Variants in RADIL observed in about 807,000 individuals in gnomAD.
RADIL encodes the protein Rap associating with DIL domain.
RADIL carries 99 observed loss-of-function variants against 97.6 expected under a neutral mutation model. The ratio of observed to expected loss-of-function variants is 1.01; its 90% CI spans 0.86 to 1.20. RADIL has a LOEUF of 1.20. RADIL is among the 50% of genes most tolerant of loss of function. The pLI is 0.00. For synonymous variants in RADIL, 803 were observed against 691.8 expected, an observed-to-expected ratio of 1.16 and a Z score of -2.52; for missense variants, 1,765 against 1,498.9, an observed-to-expected ratio of 1.18 and a Z score of -2.93.
chr7:4,802,004 A>C lies in RADIL; in HGVS notation c.2500-9T>G, dbSNP rs1396500044. 1 of 1,491,934 alleles carries C rather than the reference A, an allele frequency of 6.7e-7. No homozygotes were observed. Among genetic ancestry groups the C allele is most frequent in the Non-Finnish European group, 8.9e-7 (1 of 1,121,904 alleles). The allele number at this position is 1,491,934 out of a possible 1,614,324, so 92.4% of individuals were successfully genotyped here. ...ACCACGTGGTGCATACCCTAGGGAG[A>C]GGAAGGGTGACAGCTCAGGTAGAGG... On this transcript the variant is annotated splice_polypyrimidine_tract_variant and intron_variant, in intron 11 of 14. Coordinates refer to ENST00000399583, the MANE Select transcript of RADIL (RefSeq NM_018059.5).
At chr7:4,836,246 C>T (rs566128544) in intron 3 of RADIL, 112 bp downstream of exon 3, 85 of 1,475,458 alleles carry the variant, frequency 5.8e-5, no homozygotes, top group Non-Finnish European at 6.9e-5. Flanking sequence ...GGGCTGCAGC[C>T]ACAGAGCTCG....
chr7:4,805,415 G>A lies in RADIL; in HGVS notation c.2290+151C>T, dbSNP rs1782273697. On this transcript the variant is annotated intron_variant, in intron 10 of 14. Coordinates refer to ENST00000399583, the MANE Select transcript of RADIL (RefSeq NM_018059.5). Reference sequence around the variant, plus strand: ...GGTTGGGGATGGGGCGGGGCGGGGGGGTCCTCTGGGTGGAGGCTCCTCCAG... The same window carrying A: ...GGTTGGGGATGGGGCGGGGCGGGGGAGTCCTCTGGGTGGAGGCTCCTCCAG... The A allele has an allele frequency of 1.2e-5, 11 of 940,902 alleles. No individual in the cohort carries two copies. The South Asian group carries it at 2.9e-4, about 25-fold the overall frequency. The allele number at this position is 940,902 out of a possible 1,614,324, so 58.3% of individuals were successfully genotyped here.
intron 2 of RADIL, among the ~76,000 whole-genome samples, chr7:4,870,430 GT>G (rs1269999325): frequency 1.3e-5 from 2 of 152,056 alleles, no homozygotes; most frequent in African/African-American, 4.8e-5. Flanking sequence ...TATTAACGTG[GT>G]TTTTTGTTTT....
rs755402042 is a variant in RADIL at position 4,813,544 on chromosome 7, G to C, written c.2139+1734C>G. ...CCTGTGAGATGGCCAGTGCTGTGCTGTTCCAGTTTCTGTTTCCCCACCAGT... is the reference window on the plus strand; with the variant it reads ...CCTGTGAGATGGCCAGTGCTGTGCTCTTCCAGTTTCTGTTTCCCCACCAGT... On this transcript the variant is annotated intron_variant, in intron 9 of 14. Coordinates refer to ENST00000399583, the MANE Select transcript of RADIL (RefSeq NM_018059.5). This position sits in a 1 kb window ranked among gnomAD's most constrained non-coding sequence, Gnocchi z 5.0. 9.9e-5 allele frequency among the ~76,000 whole-genome samples: 15 copies of C among 152,194 alleles called. No individual in the cohort carries two copies. Among genetic ancestry groups the C allele is most frequent in the Non-Finnish European group, 1.9e-4 (13 of 68,034 alleles).
rs1782841732 is a variant in RADIL at position 4,821,849 on chromosome 7, C to G, written c.1615+545G>C. Reference sequence around the variant, plus strand: ...CCAGCCTGGGTGACAGAGCGAGACTCCGTCTCAAAAAAAGAAAAAGAAATC... The same window carrying G: ...CCAGCCTGGGTGACAGAGCGAGACTGCGTCTCAAAAAAAGAAAAAGAAATC... On this transcript the variant is annotated intron_variant, in intron 6 of 14. Coordinates refer to ENST00000399583, the MANE Select transcript of RADIL (RefSeq NM_018059.5). This position sits in a 1 kb window ranked among gnomAD's most constrained non-coding sequence, Gnocchi z 5.2. Among the ~76,000 whole-genome samples the G allele has an allele frequency of 6.6e-6, 1 of 152,082 alleles. No homozygotes were observed. Among genetic ancestry groups the G allele is most frequent in the Non-Finnish European group, 1.5e-5 (1 of 68,008 alleles).
Position 4,803,723 on chromosome 7 carries a change from T to TG in RADIL, c.2321dup (p.Pro775ThrfsTer67). The TG allele has an allele frequency of 7.0e-6, 11 of 1,566,580 alleles. No individual in the cohort carries two copies. The highest frequency in any genetic ancestry group is 9.5e-6 in the Non-Finnish European group (11 of 1,156,548). ...AGCCGTCGCTGGGCAGGACGATGGG[T>TG]GGGGGGTTTTCGTAGGACTCCAGAA... On this transcript the variant is annotated frameshift_variant, in exon 11 of 15. Coordinates refer to ENST00000399583, the MANE Select transcript of RADIL (RefSeq NM_018059.5). LOFTEE classifies it high-confidence loss of function.
Position 4,878,030 on chromosome 7 carries a change from C to A in RADIL, c.110G>T (p.Arg37Leu). The A allele has an allele frequency of 6.2e-7, 1 of 1,609,158 alleles. No individual in the cohort carries two copies. ...MLSRTLSYKYRDLDSTFSSLG... is the reference protein window; with the variant it reads ...MLSRTLSYKYLDLDSTFSSLG... ...GCTGGAGAAGGTGGAGTCCAGGTCC[C>A]GGTACTTGTAGCTCAGCGTCCGGGA... The change falls in exon 2 of 15, where the codon CGG (arginine) becomes CTG (leucine). Residue 37 changes from arginine to leucine, a missense_variant. Transcript: ENST00000399583. This position sits in a 1 kb window ranked among gnomAD's most constrained non-coding sequence, Gnocchi z 4.1.
At chr7:4,823,984 C>T (rs1275942857) in intron 5 of RADIL, among the ~76,000 whole-genome samples, 2 of 152,236 alleles carry the variant, frequency 1.3e-5, no homozygotes, top group Non-Finnish European at 2.9e-5. Flanking sequence ...GCATTCATCC[C>T]TAAGTCTCCA....
chr7:4,870,797 G>C (rs1354379725), intron 2 of RADIL, among the ~76,000 whole-genome samples: 1 of 152,198 alleles, frequency 6.6e-6, no homozygotes, highest in Admixed American at 6.5e-5. Context: ...CTGTGTTTTT[G>C]GTGTTAATGC....
chr7:4,864,075 C>A (rs181377563), intron 2 of RADIL, among the ~76,000 whole-genome samples: 1 of 152,328 alleles, frequency 6.6e-6, no homozygotes, highest in Admixed American at 6.5e-5. Flanking sequence ...GATAATTAAT[C>A]CCATATATTG....
At chr7:4,811,479 C>CTT (rs35136302) in intron 9 of RADIL, among the ~76,000 whole-genome samples, 22 of 59,042 alleles carry the variant, frequency 3.7e-4, no homozygotes, top group Non-Finnish European at 4.4e-4. Context: ...GGTATTATTT[C>CTT]TTTTTTTTTT....
At chr7:4,806,154 TTTGC>T in intron 9 of RADIL, 1 of 791,122 alleles carries the variant, frequency 1.3e-6, no homozygotes, top group Non-Finnish European at 1.5e-6. Flanking sequence ...CATTTGTTTG[TTTGC>T]TTGTTTTTTG....
In RADIL at chr7:4,822,367, G is replaced by A; in HGVS notation, c.1615+27C>T. On this transcript the variant is annotated intron_variant, in intron 6 of 14. Coordinates refer to ENST00000399583, the MANE Select transcript of RADIL (RefSeq NM_018059.5). This position sits in a 1 kb window ranked among gnomAD's most constrained non-coding sequence, Gnocchi z 5.3. Reference sequence around the variant, plus strand: ...CTCCCCTGCCTGGGGTGCTGGCGGGGGGAATGGAGGGCAGCGCCAGCCGTA... The same window carrying A: ...CTCCCCTGCCTGGGGTGCTGGCGGGAGGAATGGAGGGCAGCGCCAGCCGTA... The A allele has an allele frequency of 1.3e-6, 2 of 1,594,662 alleles. No homozygotes were observed. Among genetic ancestry groups the A allele is most frequent in the African/African-American group, 2.7e-5 (2 of 74,836 alleles).
At chr7:4,874,083 C>T (rs1784314099) in intron 2 of RADIL, among the ~76,000 whole-genome samples, 1 of 152,250 alleles carries the variant, frequency 6.6e-6, no homozygotes, top group African/African-American at 2.4e-5. Context: ...TCCAAGCCAG[C>T]AGGAGAGACC....
At position 4,813,575 on chromosome 7, in the gene RADIL, C is replaced by T. The variant is rs1310272562; in HGVS notation, c.2139+1703G>A. ...GTTTCTGTTTCCCCACCAGTGGCCCCTGCCTGGACAAAGCCTAGATTCTCA... is the reference window on the plus strand; with the variant it reads ...GTTTCTGTTTCCCCACCAGTGGCCCTTGCCTGGACAAAGCCTAGATTCTCA... On this transcript the variant is annotated intron_variant, in intron 9 of 14. Coordinates refer to ENST00000399583, the MANE Select transcript of RADIL (RefSeq NM_018059.5). The surrounding 1 kb of genome is among the most constrained non-coding windows in gnomAD (Gnocchi z 5.0). Among the ~76,000 whole-genome samples the T allele has an allele frequency of 6.6e-6, 1 of 152,236 alleles. No individual in the cohort carries two copies. The highest frequency in any genetic ancestry group is 2.4e-5 in the African/African-American group (1 of 41,452).
At chr7:4,801,303 C>A (rs1354924995) in intron 12 of RADIL, among the ~76,000 whole-genome samples, 1 of 152,236 alleles carries the variant, frequency 6.6e-6, no homozygotes, top group Non-Finnish European at 1.5e-5. Context: ...TCCACCTTCT[C>A]CCTGAAGACC....
intron 2 of RADIL, among the ~76,000 whole-genome samples, chr7:4,869,995 C>A (rs1183043944): frequency 2.0e-5 from 3 of 152,084 alleles, no homozygotes; most frequent in African/African-American, 7.2e-5. Context: ...AGAAATAAGT[C>A]GAGTGTGTTG....
chr7:4,822,186 G>A lies in RADIL; in HGVS notation c.1615+208C>T, dbSNP rs568696223. Among the ~76,000 whole-genome samples, 22 of 152,278 alleles carry A rather than the reference G, an allele frequency of 1.4e-4. No homozygotes were observed. Among genetic ancestry groups the A allele is most frequent in the African/African-American group, 5.3e-4 (22 of 41,578 alleles). ...ACTGAGTGCCAAGGTGCTGTGGGGG[G>A]AGGTGCCAGACTGGCCCGTGCCACC... is the stretch of plus-strand genomic sequence containing the variant. On this transcript the variant is annotated intron_variant, in intron 6 of 14. Coordinates refer to ENST00000399583, the MANE Select transcript of RADIL (RefSeq NM_018059.5). The surrounding 1 kb of genome is among the most constrained non-coding windows in gnomAD (Gnocchi z 5.3).
rs751282911 is a variant in RADIL at position 4,816,416 on chromosome 7, G to A, written c.1778C>T (p.Thr593Met). Residue 593 changes from threonine (T) to methionine (M), a missense_variant, in exon 8 of 15, where the codon ACG becomes ATG. Coordinates refer to ENST00000399583, the MANE Select transcript of RADIL (RefSeq NM_018059.5). ...CGAGGACCAGCTCTCACGGCGCTCC[G>A]TCTGGAATGGCGGGCACTCCAGGAG... ...PALLECPPFQTERRESWSSAP... is the reference protein window; with the variant it reads ...PALLECPPFQMERRESWSSAP... 33 of 1,608,896 alleles carry A rather than the reference G, an allele frequency of 2.1e-5. No homozygotes were observed. The highest frequency in any genetic ancestry group is 3.5e-4 in the Middle Eastern group (2 of 5,758).
Sources: gnomAD v4.1 joint callset for allele counts (sites outside exome capture counted in the v4.1 genomes callset) on GRCh38, gnomAD v4.1.1 for gene constraint, Gnocchi (gnomAD v3.1) non-coding constraint, MANE v1.5 for transcripts, NCBI Gene and HGNC (gene_info 2026-07-23, HGNC 2026-07-21) for gene names.